SEMA5A: variants seen among roughly 807,000 people sequenced by gnomAD.
SEMA5A encodes semaphorin-5A.
Under a neutral mutation model 135.5 loss-of-function variants are expected in SEMA5A, and 55 were observed. The observed-to-expected ratio is 0.41, with a 90% CI of 0.33 to 0.51. The LOEUF (loss-of-function observed/expected upper bound fraction) is 0.51. Among genes scored for constraint, SEMA5A ranks in the 20% least tolerant of loss-of-function variants. The pLI is 0.37. For synonymous variants in SEMA5A, 580 were observed against 546.5 expected (o/e 1.06, Z -0.85); for missense variants, 1,290 against 1,419.9 (o/e 0.91, Z 1.47).
chr5:9,402,152 A>C (rs1229176519), intron 2 of SEMA5A, among the ~76,000 whole-genome samples: 1 of 152,216 alleles, frequency 6.6e-6, no homozygotes, highest in African/African-American at 2.4e-5. Context: ...TCATGTAATT[A>C]CTACAATTAA....
At chr5:9,317,303 T>C (rs1752435407) in intron 5 of SEMA5A, among the ~76,000 whole-genome samples, 1 of 152,180 alleles carries the variant, frequency 6.6e-6, no homozygotes, top group Non-Finnish European at 1.5e-5. Flanking sequence ...TAAATTGCAA[T>C]GTTTTATCTC....
chr5:9,246,658 C>A (rs1424527676), intron 5 of SEMA5A, among the ~76,000 whole-genome samples: 1 of 152,040 alleles, frequency 6.6e-6, no homozygotes, highest in African/African-American at 2.4e-5. Context: ...TCACACCAAC[C>A]GAGCTTAGTA....
At chr5:9,307,174 TGTA>T (rs1486641496) in intron 5 of SEMA5A, among the ~76,000 whole-genome samples, 2 of 152,320 alleles carry the variant, frequency 1.3e-5, no homozygotes, top group East Asian at 3.9e-4. Context: ...GAAGGGATCA[TGTA>T]GTATCACTTG....
chr5:9,466,394 A>G (rs1561276376), intron 1 of SEMA5A, among the ~76,000 whole-genome samples: 5 of 151,728 alleles, frequency 3.3e-5, no homozygotes, highest in East Asian at 1.9e-4. Flanking sequence ...AAAAAAAAAA[A>G]AAAAGAAAAG....
intron 5 of SEMA5A, among the ~76,000 whole-genome samples, chr5:9,281,620 G>T (rs186930560): frequency 2.6e-5 from 4 of 152,216 alleles, no homozygotes; most frequent in Non-Finnish European, 5.9e-5. Flanking sequence ...GACTAACAGG[G>T]TTCTTCAGGG....
intron 3 of SEMA5A, among the ~76,000 whole-genome samples, chr5:9,366,198 A>C (rs1386786505): frequency 6.6e-6 from 1 of 152,066 alleles, no homozygotes. Context: ...AAGCAGTGCA[A>C]ATTCTCAATT....
At chr5:9,439,505 A>G (rs1206282297) in intron 1 of SEMA5A, among the ~76,000 whole-genome samples, 2 of 152,152 alleles carry the variant, frequency 1.3e-5, no homozygotes, top group African/African-American at 2.4e-5. Flanking sequence ...GTAAGTTCCC[A>G]TGTCTCAGAA....
intron 1 of SEMA5A, among the ~76,000 whole-genome samples, chr5:9,484,617 T>C (rs1294766682): frequency 6.6e-6 from 1 of 152,254 alleles, no homozygotes; most frequent in Non-Finnish European, 1.5e-5. Context: ...TATATCGGTT[T>C]ATTAATCATT....
intron 11 of SEMA5A, among the ~76,000 whole-genome samples, chr5:9,159,802 CA>C (rs1314809465): frequency 6.6e-6 from 1 of 152,138 alleles, no homozygotes; most frequent in Non-Finnish European, 1.5e-5. Context: ...GGAACCAACC[CA>C]AATGCCCATT....
chr5:9,049,458 C>T (rs1379859306), intron 21 of SEMA5A, among the ~76,000 whole-genome samples: 11 of 152,216 alleles, frequency 7.2e-5, no homozygotes, highest in Non-Finnish European at 1.5e-4. Flanking sequence ...AGCCACTATG[C>T]CCAGCCAGTA....
At chr5:9,400,109 G>A (rs1177559092) in intron 2 of SEMA5A, among the ~76,000 whole-genome samples, 1 of 152,168 alleles carries the variant, frequency 6.6e-6, no homozygotes, top group Non-Finnish European at 1.5e-5. Context: ...GTTGAACAAT[G>A]AGAACACATG....
intron 5 of SEMA5A, among the ~76,000 whole-genome samples, chr5:9,256,653 C>T (rs1319304977): frequency 6.6e-6 from 1 of 152,220 alleles, no homozygotes; most frequent in Non-Finnish European, 1.5e-5. Flanking sequence ...ACTATAATAA[C>T]ACTGTAAGAG....
chr5:9,325,230 T>C (rs1487782783), intron 4 of SEMA5A, among the ~76,000 whole-genome samples: 1 of 142,624 alleles, frequency 7.0e-6, no homozygotes, highest in African/African-American at 2.9e-5. Flanking sequence ...GCCTGTGGTA[T>C]GGATCTACTT....
chr5:9,227,550 A>AGT (rs1417326164), intron 6 of SEMA5A, among the ~76,000 whole-genome samples: 1 of 40,438 alleles, frequency 2.5e-5, no homozygotes, highest in Non-Finnish European at 4.8e-5. Flanking sequence ...TATCTATATG[A>AGT]ATTTTTTTTT....
chr5:9,511,907 A>AAAT (rs1401545058), intron 1 of SEMA5A: 16 of 152,220 alleles, frequency 1.1e-4, no homozygotes, highest in African/African-American at 3.9e-4. Flanking sequence ...AAGTTATGAT[A>AAAT]AATAATAGTA....
intron 2 of SEMA5A, among the ~76,000 whole-genome samples, chr5:9,406,801 A>G (rs896015105): frequency 5.9e-5 from 9 of 152,232 alleles, no homozygotes; most frequent in Non-Finnish European, 1.2e-4. Flanking sequence ...ATGATATTAA[A>G]TGAAATTAGC....
At chr5:9,438,558 T>A (rs780931086) in intron 1 of SEMA5A, among the ~76,000 whole-genome samples, 1 of 152,168 alleles carries the variant, frequency 6.6e-6, no homozygotes, top group South Asian at 2.1e-4. Context: ...AAAATATAGG[T>A]GACTTTCCAT....
chr5:9,232,723 T>C (rs1747702595), intron 6 of SEMA5A, among the ~76,000 whole-genome samples: 1 of 152,158 alleles, frequency 6.6e-6, no homozygotes, highest in Non-Finnish European at 1.5e-5. Flanking sequence ...GAAACCTTTT[T>C]GGATACCTCA....
Position 9,337,778 on chromosome 5 carries a change from C to T in SEMA5A, c.159G>A (p.Lys53=). The change falls in exon 4 of 23, where the codon AAG becomes AAA. Residue 53 remains lysine (K), a synonymous_variant. Transcript: ENST00000382496. ...IGPWLREFRA[K]NAVDFSQLTF... is the part of the protein sequence containing the mutation. Reference sequence around the variant, plus strand: ...TTAACTGCGAGAAATCCACAGCATTCTTCGCTCTGAACTCCCGTAACCAGG... The same window carrying T: ...TTAACTGCGAGAAATCCACAGCATTTTTCGCTCTGAACTCCCGTAACCAGG... The T allele has an allele frequency of 6.2e-7, 1 of 1,611,442 alleles. No homozygotes were observed. Among genetic ancestry groups the T allele is most frequent in the Non-Finnish European group, 8.5e-7 (1 of 1,178,288 alleles).
Sources: allele counts gnomAD v4.1 joint callset (sites outside exome capture counted in the v4.1 genomes callset), GRCh38; gene constraint gnomAD v4.1.1; transcripts MANE v1.5; gene names NCBI Gene and HGNC (gene_info 2026-07-23, HGNC 2026-07-21).